The following TMEM68 variants were observed in gnomAD, a reference collection of about 807,000 sequenced individuals.
TMEM68 encodes transmembrane protein 68, also known as DGAT1/2-independent enzyme synthesizing storage lipids.
In TMEM68, 25 loss-of-function variants were observed where a neutral mutation model predicts 36.9. The observed-to-expected ratio is 0.68, with a 90% CI of 0.49 to 0.95. The LOEUF is 0.95. Among genes scored for constraint, TMEM68 ranks in the 40% least tolerant of loss-of-function variants. The probability of loss-of-function intolerance (pLI) is 0.00; values close to 1 mark genes in which losing one functional copy is unlikely to be tolerated. For synonymous variants in TMEM68, 131 were observed against 124.4 expected, an observed-to-expected ratio of 1.05 and a Z score of -0.35; for missense variants, 333 against 392.0, an observed-to-expected ratio of 0.85 and a Z score of 1.27.
chr8:55,762,503 G>A, intron 3 of TMEM68, 132 bp downstream of exon 3: 1 of 1,492,146 alleles, frequency 6.7e-7, no homozygotes. Context: ...ATGCAAACAG[G>A]TAACAGGGAA....
chr8:55,771,696 T>C (rs2130060434), intron 1 of TMEM68, among the ~76,000 whole-genome samples: 1 of 152,352 alleles, frequency 6.6e-6, no homozygotes. Context: ...TTACTTTTAG[T>C]ATATAAGTCA....
intron 6 of TMEM68, among the ~76,000 whole-genome samples, 151 bp from the exon 7 acceptor site, chr8:55,743,771 T>C (rs1300638323): frequency 6.6e-6 from 1 of 152,170 alleles, no homozygotes; most frequent in Admixed American, 6.5e-5. Flanking sequence ...AAGAAGAGCT[T>C]TTCATCAATT....
In TMEM68 at chr8:55,769,405, A is replaced by G. The variant is rs576380240; in HGVS notation, c.-115+3864T>C. Among the ~76,000 whole-genome samples the G allele has an allele frequency of 2.6e-5, 4 of 151,796 alleles. No individual in the cohort carries two copies. The South Asian group carries it at 8.3e-4, about 32-fold the overall frequency. On this transcript the variant is annotated intron_variant, in intron 1 of 7. Transcript: ENST00000434581. ...ATTCATCAATGGGAGTGAGAAACAGATGATGTAGGAGAGGAGATAATTGTT... is the reference window on the plus strand; with the variant it reads ...ATTCATCAATGGGAGTGAGAAACAGGTGATGTAGGAGAGGAGATAATTGTT...
At chr8:55,762,406 T>A in intron 3 of TMEM68, 1 of 595,198 alleles carries the variant, frequency 1.7e-6, no homozygotes, top group Non-Finnish European at 2.7e-6. Context: ...ACTTATAGTC[T>A]ACAGTGCTGC....
intron 4 of TMEM68, among the ~76,000 whole-genome samples, chr8:55,751,965 T>A (rs11991877): frequency 0.86 from 130,598 of 152,160 alleles, 56,208 homozygotes; most frequent in East Asian, 0.99. Context: ...TACCAGCACT[T>A]TGGGAGAAAG....
chr8:55,762,922 T>C lies in TMEM68; in HGVS notation c.38A>G (p.Asp13Gly). ...CAGACAAATCATATAGGGCACAGAA[T>C]CCTGTCCTACACCACAGGTTTGATT... ...DKNQTCGVGQ[D>G]SVPYMICLIH... The change falls in exon 3 of 8, where the codon GAT (aspartate) becomes GGT (glycine). Residue 13 changes from aspartate (D) to glycine (G), a missense_variant. Transcript: ENST00000434581. The C allele has an allele frequency of 6.2e-7, 1 of 1,612,056 alleles. No homozygotes were observed. The highest frequency in any genetic ancestry group is 1.1e-5 in the South Asian group (1 of 90,356).
rs151228154 is a variant in TMEM68, at chr8:55,743,413, T to A, written c.888+68A>T. The stretch of plus-strand genomic sequence containing the variant: ...CTTGTAGAATATAAAAATAAATCAA[T>A]GAGATTCAAAATATAATAATTGAAA... On this transcript the variant is annotated intron_variant, in intron 7 of 7. Coordinates refer to ENST00000434581, the MANE Select transcript of TMEM68 (RefSeq NM_001286657.2). 1.5e-4 allele frequency: 220 copies of A among 1,461,684 alleles called. No individual in the cohort carries two copies. The African/African-American group carries it at 2.6e-3, about 17-fold the overall frequency. 90.5% of individuals were successfully genotyped at this position (1,461,684 alleles called of 1,614,324 possible).
intron 5 of TMEM68, chr8:55,745,545 C>T (rs1044290084): frequency 6.6e-6 from 1 of 152,240 alleles, no homozygotes; most frequent in African/African-American, 2.4e-5. Flanking sequence ...GTTTTCCTAA[C>T]ATTTCACATA....
chr8:55,760,605 C>T (rs1810758662), intron 3 of TMEM68, among the ~76,000 whole-genome samples: 1 of 152,156 alleles, frequency 6.6e-6, no homozygotes, highest in South Asian at 2.1e-4. Flanking sequence ...AAGTGTATTC[C>T]TGTCTGATCA....
In TMEM68 at chr8:55,762,824, A is replaced by G. The variant is rs749412416; in HGVS notation, c.136T>C (p.Trp46Arg). ...DYLNFANYLL[W>R]VFTPLILLIL... is the part of the protein sequence containing the mutation. ...AAAAGTATTAGTGGTGTAAAAACCC[A>G]CAAGAGATAGTTTGCAAAATTCAAA... The change falls in exon 3 of 8, where the codon TGG becomes CGG. Residue 46 changes from tryptophan (W) to arginine (R), a missense_variant. Transcript: ENST00000434581. 2.5e-6 allele frequency: 4 copies of G among 1,614,190 alleles called. No homozygotes were observed. Among genetic ancestry groups the G allele is most frequent in the Non-Finnish European group, 2.5e-6 (3 of 1,180,022 alleles).
intron 5 of TMEM68, among the ~76,000 whole-genome samples, chr8:55,749,476 C>A (rs1810372920): frequency 6.6e-6 from 1 of 152,136 alleles, no homozygotes; most frequent in African/African-American, 2.4e-5. Flanking sequence ...CATATATACA[C>A]ATATATATTA....
intron 3 of TMEM68, chr8:55,761,012 T>C (rs1245909063): frequency 6.6e-6 from 1 of 152,188 alleles, no homozygotes; most frequent in Non-Finnish European, 1.5e-5. Flanking sequence ...TACAGAGTAT[T>C]TTTTTAAATA....
chr8:55,741,189 G>A (rs756097874), intron 7 of TMEM68, among the ~76,000 whole-genome samples: 2 of 152,100 alleles, frequency 1.3e-5, no homozygotes, highest in African/African-American at 2.4e-5. Context: ...CCAAGATCGC[G>A]CCATTGCACT....
intron 1 of TMEM68, among the ~76,000 whole-genome samples, chr8:55,772,114 T>C (rs1811192591): frequency 6.6e-6 from 1 of 152,142 alleles, no homozygotes; most frequent in Non-Finnish European, 1.5e-5. Flanking sequence ...CGTGCAGCAC[T>C]CTTACCTTCT....
At chr8:55,749,474 C>T (rs953269491) in intron 5 of TMEM68, among the ~76,000 whole-genome samples, 2 of 152,082 alleles carry the variant, frequency 1.3e-5, no homozygotes, top group East Asian at 1.9e-4. Flanking sequence ...TACATATATA[C>T]ACATATATAT....
intron 1 of TMEM68, among the ~76,000 whole-genome samples, chr8:55,769,030 A>T (rs1331022159): frequency 1.4e-5 from 2 of 147,292 alleles, no homozygotes; most frequent in Non-Finnish European, 3.0e-5. Context: ...AAAAAAAAAA[A>T]AAAAAAAAAA....
intron 5 of TMEM68, among the ~76,000 whole-genome samples, chr8:55,749,980 G>A (rs978356375): frequency 9.2e-5 from 14 of 151,992 alleles, no homozygotes; most frequent in African/African-American, 2.2e-4. Context: ...ATATGTTGCC[G>A]AAAATGTAAA....
intron 1 of TMEM68, among the ~76,000 whole-genome samples, chr8:55,768,469 C>A (rs1293368250): frequency 1.3e-5 from 2 of 152,034 alleles, no homozygotes; most frequent in Admixed American, 1.3e-4. Context: ...AATCTCAGCA[C>A]TTTGGGAGAC....
intron 1 of TMEM68, among the ~76,000 whole-genome samples, chr8:55,771,528 G>A (rs1811166019): frequency 6.6e-6 from 1 of 152,058 alleles, no homozygotes; most frequent in African/African-American, 2.4e-5. Context: ...GAGGTAGGAG[G>A]ATTGCTTGAG....
Sources: allele counts gnomAD v4.1 joint callset (sites outside exome capture counted in the v4.1 genomes callset), GRCh38; gene constraint gnomAD v4.1.1; transcripts MANE v1.5; gene names NCBI Gene and HGNC (gene_info 2026-07-23, HGNC 2026-07-21).